Variants in GPAM observed in about 807,000 individuals in gnomAD.
GPAM encodes the protein glycerol-3-phosphate acyltransferase, mitochondrial, also known as glycerol-3-phosphate acyltransferase 1, mitochondrial.
In GPAM, 56 loss-of-function variants were observed where a neutral mutation model predicts 105.0. That is an observed-to-expected ratio of 0.53 (90% CI 0.43 to 0.67). The LOEUF (loss-of-function observed/expected upper bound fraction) is 0.67, where lower values mean the gene tolerates loss of function less well. Ranked by LOEUF, GPAM falls within the 30% of genes least tolerant of loss-of-function variation. The probability of loss-of-function intolerance (pLI) is 0.00; values close to 1 mark genes in which losing one functional copy is unlikely to be tolerated. For synonymous variants in GPAM, 368 were observed against 354.4 expected (o/e 1.04, Z -0.43); for missense variants, 855 against 989.8 (o/e 0.86, Z 1.83).
chr10:112,164,710 A>T, intron 12 of GPAM, 100 bp from the exon 13 acceptor site: 1 of 747,884 alleles, frequency 1.3e-6, no homozygotes, highest in Non-Finnish European at 2.4e-6. Flanking sequence ...TTGTTTATGA[A>T]ATAAGCCATG....
rs2133222752 is a variant in GPAM at position 112,154,593 on chromosome 10, G to A, written c.2370+36C>T. 3 of 1,418,508 alleles carry A rather than the reference G, an allele frequency of 2.1e-6. 1 individual carries two copies. The highest frequency in any genetic ancestry group is 3.0e-6 in the Non-Finnish European group (3 of 1,001,574). 87.9% of individuals were successfully genotyped at this position (1,418,508 alleles called of 1,614,324 possible). On this transcript the variant is annotated intron_variant, in intron 21 of 21. Coordinates refer to ENST00000348367, the MANE Select transcript of GPAM (RefSeq NM_001244949.2). ...ACTAGATCTAAAGAGAACAGAAGTT[G>A]AGATAGCTTTTATACCATAAATGGT...
At chr10:112,183,821 G>C (rs979992450), upstream of GPAM, 13 of 152,318 alleles carry the variant, frequency 8.5e-5, no homozygotes, top group African/African-American at 3.1e-4. Flanking sequence ...GCTAGCCAGC[G>C]CCGGGGGCGG....
intron 18 of GPAM, 94 bp downstream of exon 18, chr10:112,158,222 T>C: frequency 3.4e-6 from 3 of 887,558 alleles, no homozygotes; most frequent in East Asian, 2.4e-5. Context: ...CATGCCACCA[T>C]GCCTGGCCAA....
In GPAM at chr10:112,172,891, G is replaced by T. The variant is rs1847336983; in HGVS notation, c.657+79C>A. 7.3e-6 allele frequency: 6 copies of T among 822,468 alleles called. No homozygotes were observed. In the East Asian group the frequency reaches 1.5e-4, roughly 20 times the overall value. The allele number at this position is 822,468 out of a possible 1,614,324, so 50.9% of individuals were successfully genotyped here. ...GGTTGAAATACATCACAGTACACAAGAAAACATTTCCACAAGAACCCTAAA... is the reference window on the plus strand; with the variant it reads ...GGTTGAAATACATCACAGTACACAATAAAACATTTCCACAAGAACCCTAAA... On this transcript the variant is annotated intron_variant, in intron 8 of 21. Coordinates refer to ENST00000348367, the MANE Select transcript of GPAM (RefSeq NM_001244949.2).
chr10:112,171,465 T>C (rs1847311604), intron 9 of GPAM, among the ~76,000 whole-genome samples: 1 of 152,236 alleles, frequency 6.6e-6, no homozygotes, highest in Non-Finnish European at 1.5e-5. Flanking sequence ...CCTGAACATG[T>C]CATTTCTCAA....
chr10:112,168,959 A>G lies in GPAM; in HGVS notation c.795-7T>C. ...AAGCTTATGGATCAAGGTACTATAA[A>G]TTCAGAATACATGAATTATTTACAA... is the stretch of plus-strand genomic sequence containing the variant. On this transcript the variant is annotated splice_region_variant and splice_polypyrimidine_tract_variant and intron_variant, in intron 9 of 21. Transcript: ENST00000348367. 6.6e-7 allele frequency: 1 copy of G among 1,504,424 alleles called. No homozygotes were observed. Among genetic ancestry groups the G allele is most frequent in the South Asian group, 1.1e-5 (1 of 88,830 alleles). The allele number at this position is 1,504,424 out of a possible 1,614,324, so 93.2% of individuals were successfully genotyped here. A position where few individuals can be genotyped will look rare whatever the true frequency, so the allele number is the denominator to read the frequency against.
intron 1 of GPAM, among the ~76,000 whole-genome samples, chr10:112,198,385 T>C (rs1481584027): frequency 6.6e-6 from 1 of 152,242 alleles, no homozygotes; most frequent in African/African-American, 2.4e-5. Context: ...TTAACAACTA[T>C]ACTACTGATT....
rs560990027 is a variant in GPAM, at chr10:112,209,779, T to G, written n.210+5389A>C. 4.6e-5 allele frequency among the ~76,000 whole-genome samples: 7 copies of G among 152,312 alleles called. No individual in the cohort carries two copies. In the East Asian group the frequency reaches 1.4e-3, roughly 29 times the overall value. On this transcript the variant is annotated intron_variant and non_coding_transcript_variant, in intron 1 of 3. Transcript: ENST00000480130. The stretch of plus-strand genomic sequence containing the variant: ...TTCATTTCTATGGCAACCATCCCTT[T>G]CCTGCAGAATGTCCAGCCCACAGGG...
intron 3 of GPAM, among the ~76,000 whole-genome samples, chr10:112,181,308 A>G (rs1329403946): frequency 6.6e-6 from 1 of 152,084 alleles, no homozygotes; most frequent in Non-Finnish European, 1.5e-5. Flanking sequence ...AATTCATACT[A>G]TAAGTTCCTA....
intron 2 of GPAM, 149 bp downstream of exon 2, chr10:112,182,645 C>T (rs1847528849): frequency 2.6e-5 from 4 of 152,238 alleles, no homozygotes; most frequent in Admixed American, 2.6e-4. Flanking sequence ...AACAGTGTTC[C>T]TTTGGAAGGC....
At chr10:112,163,306 C>T (rs1459567409) in intron 14 of GPAM, among the ~76,000 whole-genome samples, 4 of 152,270 alleles carry the variant, frequency 2.6e-5, no homozygotes, top group South Asian at 2.1e-4. Context: ...TACAAGGCCA[C>T]TCATATTTGC....
chr10:112,215,290 G>A (rs958524955), exon 1 of GPAM: 4 of 152,228 alleles, frequency 2.6e-5, no homozygotes, highest in Non-Finnish European at 4.4e-5. Flanking sequence ...TGGTTCCTCT[G>A]GGTGCCTGTT....
At position 112,150,209 on chromosome 10, in the gene GPAM, AGT is replaced by A; in HGVS notation, c.*3339_*3340del. 1 of 984,980 alleles carries A rather than the reference AGT, an allele frequency of 1.0e-6. No homozygotes were observed. Among genetic ancestry groups the A allele is most frequent in the Non-Finnish European group, 1.2e-6 (1 of 829,428 alleles). 61.0% of individuals were successfully genotyped at this position (984,980 alleles called of 1,614,324 possible). On this transcript the variant is annotated 3_prime_UTR_variant, in exon 22 of 22. Transcript: ENST00000348367. The stretch of plus-strand genomic sequence containing the variant: ...TTTAAAAAACAGGTTTACAGCCCAT[AGT>A]AAGTCTTAGAAACCTCAACGATAGG...
intron 9 of GPAM, among the ~76,000 whole-genome samples, chr10:112,171,321 T>A (rs1392009514): frequency 6.6e-6 from 1 of 152,174 alleles, no homozygotes; most frequent in Non-Finnish European, 1.5e-5. Context: ...TACTAAGTAC[T>A]TTTTAAATCT....
At chr10:112,161,955 A>G (rs1404128639) in intron 14 of GPAM, among the ~76,000 whole-genome samples, 1 of 152,220 alleles carries the variant, frequency 6.6e-6, no homozygotes, top group Non-Finnish European at 1.5e-5. Flanking sequence ...CAACAGGCTA[A>G]GTAAGACAGG....
At chr10:112,172,926 C>T (rs780019789) in intron 8 of GPAM, 44 bp downstream of exon 8, 3 of 1,016,902 alleles carry the variant, frequency 3.0e-6, no homozygotes, top group African/African-American at 1.6e-5. Context: ...AACCACTCTA[C>T]AATTGAGGGG....
intron 1 of GPAM, among the ~76,000 whole-genome samples, chr10:112,191,617 G>A (rs7084039): frequency 0.55 from 84,039 of 152,048 alleles, 23,475 homozygotes; most frequent in South Asian, 0.62. Flanking sequence ...CTAAGACCTG[G>A]AAGTAGGCTA....
intron 9 of GPAM, among the ~76,000 whole-genome samples, chr10:112,170,977 T>C (rs1168038478): frequency 6.6e-6 from 1 of 152,198 alleles, no homozygotes; most frequent in Non-Finnish European, 1.5e-5. Context: ...ACTGTGATAC[T>C]GAGGACACAG....
chr10:112,213,381 A>G (rs1847934070), intron 1 of GPAM, among the ~76,000 whole-genome samples: 1 of 152,148 alleles, frequency 6.6e-6, no homozygotes, highest in African/African-American at 2.4e-5. Context: ...GTGGGGACTG[A>G]GTTAATAAGA....
Sources: gnomAD v4.1 joint callset for allele counts (sites outside exome capture counted in the v4.1 genomes callset) on GRCh38, gnomAD v4.1.1 for gene constraint, MANE v1.5 for transcripts, NCBI Gene and HGNC (gene_info 2026-07-23, HGNC 2026-07-21) for gene names.